Variants in ZFPM2 observed in about 807,000 individuals in gnomAD.
ZFPM2 encodes the protein zinc finger protein, FOG family member 2, also known as zinc finger protein ZFPM2.
A neutral mutation model predicts 98.6 loss-of-function variants in ZFPM2; 20 were observed. That is an observed-to-expected ratio of 0.20 (90% CI 0.14 to 0.29). The LOEUF is 0.29. Among genes scored for constraint, ZFPM2 ranks in the 10% least tolerant of loss-of-function variants. The pLI, the probability that ZFPM2 is intolerant of heterozygous loss-of-function variation, is 1.00. For synonymous variants in ZFPM2, 518 were observed against 502.7 expected, an observed-to-expected ratio of 1.03 and a Z score of -0.41; for missense variants, 1,310 against 1,388.6, an observed-to-expected ratio of 0.94 and a Z score of 0.90.
At chr8:105,764,970 C>T (rs1812824856) in intron 5 of ZFPM2, among the ~76,000 whole-genome samples, 2 of 151,756 alleles carry the variant, frequency 1.3e-5, no homozygotes. Context: ...TCATAATGAC[C>T]TTTGATTTAA....
At chr8:105,392,662 TCA>T (rs1252196201) in intron 1 of ZFPM2, among the ~76,000 whole-genome samples, 2 of 152,202 alleles carry the variant, frequency 1.3e-5, no homozygotes, top group African/African-American at 4.8e-5. Context: ...TATGTTTTGG[TCA>T]TTATAATTTT....
intron 4 of ZFPM2, among the ~76,000 whole-genome samples, chr8:105,622,983 C>T (rs776702417): frequency 1.6e-4 from 24 of 152,036 alleles, no homozygotes; most frequent in Non-Finnish European, 2.6e-4. Flanking sequence ...TATTAACTTG[C>T]TTATATTTTG....
At chr8:105,376,123 A>G (rs1436048097) in intron 1 of ZFPM2, among the ~76,000 whole-genome samples, 2 of 152,124 alleles carry the variant, frequency 1.3e-5, no homozygotes, top group Non-Finnish European at 2.9e-5. Context: ...TACTTTTACT[A>G]GTGGCCTCCA....
At chr8:105,653,852 A>G (rs190366758) in intron 5 of ZFPM2, among the ~76,000 whole-genome samples, 1 of 56,226 alleles carries the variant, frequency 1.8e-5, no homozygotes, top group African/African-American at 5.6e-5. Flanking sequence ...CTTGTGTGCT[A>G]TCTTTTTTTT....
intron 4 of ZFPM2, among the ~76,000 whole-genome samples, chr8:105,565,012 T>C (rs1685761241): frequency 6.6e-6 from 1 of 152,136 alleles, no homozygotes; most frequent in African/African-American, 2.4e-5. Context: ...TAGCGCACTC[T>C]CTTAAATTGC....
At chr8:105,393,337 C>CCTTCCTTTCTTTCTTT (rs1491284455) in intron 1 of ZFPM2, among the ~76,000 whole-genome samples, 7 of 114,848 alleles carry the variant, frequency 6.1e-5, no homozygotes, top group East Asian at 2.7e-4. Context: ...TCTCTCTTTG[C>CCTTCCTTTCTTTCTTT]CTTTCTTTCT....
At chr8:105,425,740 A>G (rs923353954) in intron 2 of ZFPM2, among the ~76,000 whole-genome samples, 12 of 152,176 alleles carry the variant, frequency 7.9e-5, no homozygotes, top group African/African-American at 2.7e-4. Flanking sequence ...ACCTGTAACA[A>G]ATCTAAGTTA....
chr8:105,733,366 A>G (rs1811991242), intron 5 of ZFPM2, among the ~76,000 whole-genome samples: 1 of 151,834 alleles, frequency 6.6e-6, no homozygotes, highest in Non-Finnish European at 1.5e-5. Flanking sequence ...AAAATTACTC[A>G]TTTCTGGCTA....
At chr8:105,675,445 C>T (rs1455550575) in intron 5 of ZFPM2, among the ~76,000 whole-genome samples, 1 of 152,200 alleles carries the variant, frequency 6.6e-6, no homozygotes, top group East Asian at 1.9e-4. Context: ...CAGGAATTCA[C>T]TCCTGAGCAA....
At chr8:105,575,520 C>T (rs1815448012) in intron 4 of ZFPM2, among the ~76,000 whole-genome samples, 1 of 152,148 alleles carries the variant, frequency 6.6e-6, no homozygotes, top group Admixed American at 6.5e-5. Context: ...CCTAAGGCTT[C>T]AGTGCCAAAC....
At chr8:105,352,968 T>A (rs1269087755) in intron 1 of ZFPM2, among the ~76,000 whole-genome samples, 2 of 152,192 alleles carry the variant, frequency 1.3e-5, no homozygotes, top group East Asian at 3.9e-4. Flanking sequence ...CACATCAATA[T>A]GTAAAAATAA....
chr8:105,498,275 A>T (rs1410812192), intron 3 of ZFPM2, among the ~76,000 whole-genome samples: 1 of 152,192 alleles, frequency 6.6e-6, no homozygotes, highest in Non-Finnish European at 1.5e-5. Flanking sequence ...GATATATAAC[A>T]TGTATGTAAG....
chr8:105,551,621 C>T (rs937179253), intron 3 of ZFPM2, among the ~76,000 whole-genome samples: 1 of 152,052 alleles, frequency 6.6e-6, no homozygotes, highest in Admixed American at 6.6e-5. Flanking sequence ...TTATTTTTCC[C>T]TTGTCATTTA....
chr8:105,788,977 G>A, intron 6 of ZFPM2, 53 bp downstream of exon 6: 2 of 1,432,650 alleles, frequency 1.4e-6, no homozygotes, highest in Non-Finnish European at 9.4e-7. Context: ...GAATTTATGG[G>A]AGAAAAAAAT....
chr8:105,359,334 G>A (rs1586315176), intron 1 of ZFPM2, among the ~76,000 whole-genome samples: 1 of 151,086 alleles, frequency 6.6e-6, no homozygotes, highest in Non-Finnish European at 1.5e-5. Context: ...ACCCACTCTC[G>A]GGTATTTCTT....
chr8:105,576,788 G>A (rs575616992), intron 4 of ZFPM2, among the ~76,000 whole-genome samples: 86 of 152,150 alleles, frequency 5.7e-4, no homozygotes, highest in Non-Finnish European at 1.0e-3. Flanking sequence ...TTTTTAGAAT[G>A]GACCCAAGCA....
chr8:105,360,028 T>C (rs1021378637), intron 1 of ZFPM2, among the ~76,000 whole-genome samples: 3 of 152,206 alleles, frequency 2.0e-5, no homozygotes, highest in African/African-American at 7.2e-5. Context: ...AGAGCAACCT[T>C]ATTCTGGCCC....
At chr8:105,551,819 A>AT (rs955635014) in intron 3 of ZFPM2, among the ~76,000 whole-genome samples, 4 of 152,140 alleles carry the variant, frequency 2.6e-5, no homozygotes, top group African/African-American at 9.6e-5. Context: ...ATCTCCAACT[A>AT]TACAATCTCA....
intron 5 of ZFPM2, among the ~76,000 whole-genome samples, chr8:105,706,817 T>C (rs1446318585): frequency 6.6e-6 from 1 of 152,136 alleles, no homozygotes; most frequent in African/African-American, 2.4e-5. Context: ...TGACCTCAAA[T>C]GATCCACCCG....
Sources: gnomAD v4.1 joint callset for allele counts (sites outside exome capture counted in the v4.1 genomes callset) on GRCh38, gnomAD v4.1.1 for gene constraint, MANE v1.5 for transcripts, NCBI Gene and HGNC (gene_info 2026-07-23, HGNC 2026-07-21) for gene names.